SCHIP1: variants seen among roughly 807,000 people sequenced by gnomAD.
The protein encoded by SCHIP1 is schwannomin interacting protein 1, also known as schwannomin-interacting protein 1.
Under a neutral mutation model 29.7 loss-of-function variants are expected in SCHIP1, and 8 were observed. That is an observed-to-expected ratio of 0.27 (90% confidence interval 0.16 to 0.49). The LOEUF is 0.49. Among genes scored for constraint, SCHIP1 ranks in the 20% least tolerant of loss-of-function variants. SCHIP1 has a pLI of 0.99. For synonymous variants in SCHIP1, 76 were observed against 94.9 expected (o/e 0.80, Z 1.16); for missense variants, 193 against 294.6 (o/e 0.66, Z 2.52).
chr3:159,691,195 G>C, the SCHIP1 span, among the ~76,000 whole-genome samples: 6 of 152,156 alleles, frequency 3.9e-5, no homozygotes, highest in Non-Finnish European at 7.4e-5. Flanking sequence ...GAGTGTTAAA[G>C]TCTCCCACGA....
At chr3:159,722,947 A>C in the SCHIP1 span, among the ~76,000 whole-genome samples, 1 of 152,252 alleles carries the variant, frequency 6.6e-6, no homozygotes, top group African/African-American at 2.4e-5. Flanking sequence ...GGAAGACTAG[A>C]TGTGGTTACT....
the SCHIP1 span, among the ~76,000 whole-genome samples, chr3:159,757,417 A>T: frequency 6.6e-6 from 1 of 152,178 alleles, no homozygotes; most frequent in African/African-American, 2.4e-5. Flanking sequence ...CCATGATTCA[A>T]TCATCTCCCA....
chr3:159,795,670 G>A, the SCHIP1 span, among the ~76,000 whole-genome samples: 1 of 152,188 alleles, frequency 6.6e-6, no homozygotes, highest in Admixed American at 6.5e-5. Context: ...CACTTCATTT[G>A]GGTAGGTTAG....
At chr3:159,516,873 A>G in the SCHIP1 span, among the ~76,000 whole-genome samples, 1 of 152,150 alleles carries the variant, frequency 6.6e-6, no homozygotes, top group Admixed American at 6.5e-5. Flanking sequence ...AAATCCACTC[A>G]TCATTTTAGC....
At chr3:159,585,519 T>A in the SCHIP1 span, among the ~76,000 whole-genome samples, 1 of 152,188 alleles carries the variant, frequency 6.6e-6, no homozygotes, top group Non-Finnish European at 1.5e-5. Context: ...GGGCAGAAGT[T>A]AGAACTGTTT....
chr3:159,461,560 A>G, the SCHIP1 span, among the ~76,000 whole-genome samples: 2 of 151,952 alleles, frequency 1.3e-5, no homozygotes, highest in Non-Finnish European at 2.9e-5. Flanking sequence ...ATCCGGAAGT[A>G]TATATACCAG....
At chr3:159,493,826 T>G in the SCHIP1 span, among the ~76,000 whole-genome samples, 3 of 152,156 alleles carry the variant, frequency 2.0e-5, no homozygotes, top group Non-Finnish European at 4.4e-5. Flanking sequence ...ACCACACCAA[T>G]TCCAAAATCG....
chr3:159,646,316 A>G, the SCHIP1 span, among the ~76,000 whole-genome samples: 4 of 152,118 alleles, frequency 2.6e-5, no homozygotes, highest in African/African-American at 9.7e-5. Flanking sequence ...CTTAGACCAC[A>G]TGCCTCCCAG....
At chr3:159,460,862 C>A in the SCHIP1 span, among the ~76,000 whole-genome samples, 1 of 152,034 alleles carries the variant, frequency 6.6e-6, no homozygotes, top group Admixed American at 6.6e-5. Flanking sequence ...TTCATGCACC[C>A]TAGTTTGAAG....
At chr3:159,372,025 A>AAGAC in the SCHIP1 span, among the ~76,000 whole-genome samples, 1 of 152,154 alleles carries the variant, frequency 6.6e-6, no homozygotes, top group African/African-American at 2.4e-5. Flanking sequence ...TTTGTGACAA[A>AAGAC]AGACAATAAT....
At chr3:159,585,834 T>C in the SCHIP1 span, among the ~76,000 whole-genome samples, 1 of 152,172 alleles carries the variant, frequency 6.6e-6, no homozygotes, top group Admixed American at 6.6e-5. Flanking sequence ...TTTTAGCATT[T>C]AGAATGTTTT....
At chr3:159,566,859 G>A in the SCHIP1 span, among the ~76,000 whole-genome samples, 2 of 152,204 alleles carry the variant, frequency 1.3e-5, no homozygotes, top group Non-Finnish European at 2.9e-5. Context: ...CCAGGAAGTG[G>A]CACTGCTGGG....
chr3:159,346,091 G>A, the SCHIP1 span, among the ~76,000 whole-genome samples: 1 of 151,718 alleles, frequency 6.6e-6, no homozygotes, highest in Non-Finnish European at 1.5e-5. Context: ...CTACTTGGGA[G>A]GCTGAGGCAG....
chr3:159,441,077 G>C, the SCHIP1 span, among the ~76,000 whole-genome samples: 1 of 152,146 alleles, frequency 6.6e-6, no homozygotes. Context: ...CCAAAAATCT[G>C]TCTTTCCCAT....
the SCHIP1 span, among the ~76,000 whole-genome samples, chr3:159,771,336 T>C: frequency 1.0e-3 from 155 of 152,364 alleles, no homozygotes; most frequent in African/African-American, 3.6e-3. Context: ...GTCTTTAGTA[T>C]TCCTACAAAA....
chr3:159,508,718 G>T, the SCHIP1 span, among the ~76,000 whole-genome samples: 3 of 152,028 alleles, frequency 2.0e-5, no homozygotes, highest in Non-Finnish European at 2.9e-5. Context: ...CCTTCATTTT[G>T]TTATGTACCC....
chr3:159,482,175 G>T, the SCHIP1 span, among the ~76,000 whole-genome samples: 1 of 152,266 alleles, frequency 6.6e-6, no homozygotes, highest in East Asian at 1.9e-4. Flanking sequence ...AGAAAGGTAT[G>T]TTGGGACAAG....
the SCHIP1 span, among the ~76,000 whole-genome samples, chr3:159,642,475 C>T: frequency 8.6e-5 from 13 of 152,046 alleles, no homozygotes; most frequent in African/African-American, 3.1e-4. Flanking sequence ...CCTGTGGCTT[C>T]TCATCTCTGT....
At chr3:159,404,394 G>C in the SCHIP1 span, among the ~76,000 whole-genome samples, 2 of 152,132 alleles carry the variant, frequency 1.3e-5, no homozygotes, top group African/African-American at 4.8e-5. Context: ...TTAGGTCAGA[G>C]AGGAGCCCAC....
Sources: gnomAD v4.1 joint callset for allele counts (sites outside exome capture counted in the v4.1 genomes callset) on GRCh38, gnomAD v4.1.1 for gene constraint, MANE v1.5 for transcripts, NCBI Gene and HGNC (gene_info 2026-07-23, HGNC 2026-07-21) for gene names.